LRP1B: variants seen among roughly 807,000 people sequenced by gnomAD.
LRP1B encodes low-density lipoprotein receptor-related protein 1B.
Under a neutral mutation model 556.6 loss-of-function variants are expected in LRP1B, and 217 were observed. The observed-to-expected ratio is 0.39, with a 90% CI of 0.35 to 0.44. The LOEUF (loss-of-function observed/expected upper bound fraction) is 0.44, where lower values mean the gene tolerates loss of function less well. Among genes scored for constraint, LRP1B ranks in the 20% least tolerant of loss-of-function variants. LRP1B has a pLI of 1.00. For missense variants in LRP1B, 5,053 were observed against 5,620.8 expected (o/e 0.90, Z 3.23); for synonymous variants, 2,047 against 1,865.8 (o/e 1.10, Z -2.50).
At chr2:140,502,367 A>G (rs1416901540) in intron 54 of LRP1B, among the ~76,000 whole-genome samples, 1 of 152,018 alleles carries the variant, frequency 6.6e-6, no homozygotes, top group Non-Finnish European at 1.5e-5. Context: ...AGCTGTTCCA[A>G]ATACAGCTAT....
chr2:141,484,742 A>C (rs1683055970), intron 2 of LRP1B, among the ~76,000 whole-genome samples: 1 of 151,858 alleles, frequency 6.6e-6, no homozygotes, highest in African/African-American at 2.4e-5. Context: ...ATGGGAGTTC[A>C]CTCATGATTT....
chr2:141,867,127 T>G (rs1698437843), intron 1 of LRP1B, among the ~76,000 whole-genome samples: 1 of 152,150 alleles, frequency 6.6e-6, no homozygotes, highest in Non-Finnish European at 1.5e-5. Flanking sequence ...TAAAGAATGT[T>G]TCAGAATTAG....
At chr2:142,103,687 C>T (rs1706644261) in intron 1 of LRP1B, among the ~76,000 whole-genome samples, 2 of 152,000 alleles carry the variant, frequency 1.3e-5, no homozygotes, top group Admixed American at 6.6e-5. Flanking sequence ...ATTTAACATT[C>T]TAATCTTGTA....
intron 1 of LRP1B, among the ~76,000 whole-genome samples, chr2:142,047,413 C>T (rs758155611): frequency 1.3e-5 from 2 of 151,946 alleles, no homozygotes; most frequent in African/African-American, 4.8e-5. Flanking sequence ...AGAAAAAAAG[C>T]TCATTCAGAA....
chr2:140,325,132 T>C (rs930985981), intron 80 of LRP1B, among the ~76,000 whole-genome samples: 1 of 151,558 alleles, frequency 6.6e-6, no homozygotes, highest in African/African-American at 2.4e-5. Flanking sequence ...AGGGAAGAAA[T>C]TAAATTCAGC....
intron 27 of LRP1B, among the ~76,000 whole-genome samples, chr2:140,858,501 G>GGAGAGAGAGAGAGAGAGAGA (rs35791983): frequency 7.1e-6 from 1 of 139,934 alleles, no homozygotes; most frequent in African/African-American, 2.6e-5. Context: ...TTATATATAT[G>GGAGAGAGAGAGAGAGAGAGA]GAGAGAGAGA....
At chr2:141,156,622 G>GA (rs11444970) in intron 7 of LRP1B, among the ~76,000 whole-genome samples, 25,024 of 136,088 alleles carry the variant, frequency 0.18, 3,123 homozygotes, top group African/African-American at 0.37. Flanking sequence ...GGCTATCTCA[G>GA]AAAAAAAAAA....
At chr2:141,594,918 A>C (rs1008064750) in intron 2 of LRP1B, among the ~76,000 whole-genome samples, 2 of 152,048 alleles carry the variant, frequency 1.3e-5, no homozygotes, top group African/African-American at 4.8e-5. Context: ...AGTTTTCCTA[A>C]ATTATAGAAG....
chr2:140,538,322 C>G (rs577877214), intron 45 of LRP1B, among the ~76,000 whole-genome samples: 2 of 152,056 alleles, frequency 1.3e-5, no homozygotes, highest in Non-Finnish European at 2.9e-5. Flanking sequence ...ATTCTGTCAC[C>G]CGGGTACTGA....
At chr2:141,304,683 T>G (rs1211916484) in intron 3 of LRP1B, among the ~76,000 whole-genome samples, 2 of 151,610 alleles carry the variant, frequency 1.3e-5, no homozygotes, top group Non-Finnish European at 2.9e-5. Context: ...TTATTTTTAG[T>G]AGAGATGGGG....
chr2:142,085,485 CTAAG>C (rs1574667987), intron 1 of LRP1B, among the ~76,000 whole-genome samples: 2 of 152,112 alleles, frequency 1.3e-5, no homozygotes, highest in Non-Finnish European at 2.9e-5. Flanking sequence ...AAAATGTTAA[CTAAG>C]TATTTTTCCC....
intron 43 of LRP1B, among the ~76,000 whole-genome samples, chr2:140,558,442 C>T (rs966748839): frequency 9.2e-5 from 14 of 151,954 alleles, no homozygotes; most frequent in Non-Finnish European, 7.4e-5. Flanking sequence ...TGAATGCATG[C>T]TACAATATAA....
chr2:141,328,670 G>A (rs572360784), intron 3 of LRP1B, among the ~76,000 whole-genome samples: 2 of 152,184 alleles, frequency 1.3e-5, no homozygotes, highest in Non-Finnish European at 2.9e-5. Context: ...CTCAGTTACT[G>A]TTCTGGGAGT....
At chr2:142,042,253 G>A (rs1704090897) in intron 1 of LRP1B, among the ~76,000 whole-genome samples, 1 of 151,366 alleles carries the variant, frequency 6.6e-6, no homozygotes, top group Non-Finnish European at 1.5e-5. Context: ...CTGCAATAAT[G>A]ATGATGAAAT....
At chr2:141,552,879 T>C (rs769669033) in intron 2 of LRP1B, among the ~76,000 whole-genome samples, 3 of 152,028 alleles carry the variant, frequency 2.0e-5, no homozygotes, top group African/African-American at 4.8e-5. Flanking sequence ...AACACTGATA[T>C]GTTGGAACAT....
intron 1 of LRP1B, among the ~76,000 whole-genome samples, chr2:141,994,191 A>G (rs1211049487): frequency 6.6e-6 from 1 of 152,120 alleles, no homozygotes; most frequent in Non-Finnish European, 1.5e-5. Flanking sequence ...TCTATTTTCC[A>G]GAGAGTTGTA....
At chr2:140,688,112 A>C (rs1055903938) in intron 41 of LRP1B, among the ~76,000 whole-genome samples, 6 of 152,182 alleles carry the variant, frequency 3.9e-5, no homozygotes, top group African/African-American at 1.4e-4. Flanking sequence ...TACCTCATTC[A>C]AGTCAAAACT....
intron 2 of LRP1B, among the ~76,000 whole-genome samples, chr2:141,579,444 A>C (rs750764043): frequency 1.1e-4 from 17 of 152,188 alleles, no homozygotes; most frequent in Non-Finnish European, 4.4e-5. Flanking sequence ...AAGAAAGAAG[A>C]AAGCCCAGAG....
intron 35 of LRP1B, among the ~76,000 whole-genome samples, chr2:140,766,822 A>AATATATATATATTATATATATATATAT (rs1205192418): frequency 9.5e-6 from 1 of 105,642 alleles, no homozygotes; most frequent in African/African-American, 4.4e-5. Context: ...ATCTTTGTAA[A>AATATATATATATTATATATATATATAT]ATATATATAT....
Sources: allele counts gnomAD v4.1 joint callset (sites outside exome capture counted in the v4.1 genomes callset), GRCh38; gene constraint gnomAD v4.1.1; transcripts MANE v1.5; gene names NCBI Gene and HGNC (gene_info 2026-07-23, HGNC 2026-07-21).